RP1: variants seen among roughly 807,000 people sequenced by gnomAD.
RP1 encodes RP1 axonemal microtubule associated.
Under a neutral mutation model 14.8 loss-of-function variants are expected in RP1, and 16 were observed. The observed-to-expected ratio is 1.08, with a 90% CI of 0.73 to 1.65. The LOEUF (loss-of-function observed/expected upper bound fraction) is 1.65. RP1 is among the 40% of genes most tolerant of loss of function. The pLI is 0.00. For missense variants in RP1, 2,631 were observed against 2,535.0 expected, an observed-to-expected ratio of 1.04 and a Z score of -0.81; for synonymous variants, 876 against 883.6, an observed-to-expected ratio of 0.99 and a Z score of 0.15.
chr8:54,561,174 A>G (rs1001225262), intron 1 of RP1, among the ~76,000 whole-genome samples: 2 of 152,216 alleles, frequency 1.3e-5, no homozygotes, highest in Non-Finnish European at 2.9e-5. Flanking sequence ...CAAGTCCATC[A>G]AAAGCTTCTA....
At chr8:54,649,179 A>G in intron 4 of RP1, 1 of 1,427,310 alleles carries the variant, frequency 7.0e-7, no homozygotes, top group South Asian at 1.6e-5. Context: ...TAAACTGTTA[A>G]TATAAGTGAT....
Position 54,679,436 on chromosome 8 carries a change from G to T in RP1, c.1495G>T (p.Glu499Ter). 1 of 1,535,892 alleles carries T rather than the reference G, an allele frequency of 6.5e-7. No individual in the cohort carries two copies. Among genetic ancestry groups the T allele is most frequent in the South Asian group, 1.2e-5 (1 of 84,048 alleles). ...TTTTCACAGATGGCTAGATCAGGGG[G>T]AAGATGATTGTAAAATTGTCAGAGA... The change falls in exon 10 of 23, where the codon GAA becomes TAA. Residue 499 changes from glutamate to a stop codon, truncating the protein, a stop_gained. Transcript: ENST00000636932. LOFTEE classifies it high-confidence loss of function.
chr8:54,849,552 G>T (rs1812009973), intron 25 of RP1, among the ~76,000 whole-genome samples: 1 of 152,134 alleles, frequency 6.6e-6, no homozygotes, highest in African/African-American at 2.4e-5. Flanking sequence ...GAAGAATCCA[G>T]GGATTAAGGA....
chr8:54,646,670 G>A (rs991702268), intron 3 of RP1, among the ~76,000 whole-genome samples: 1 of 152,048 alleles, frequency 6.6e-6, no homozygotes, highest in South Asian at 2.1e-4. Context: ...GATTTAGGGA[G>A]GTGCAAAAAC....
chr8:54,790,757 C>G (rs1244847062), intron 24 of RP1, among the ~76,000 whole-genome samples: 1 of 152,102 alleles, frequency 6.6e-6, no homozygotes, highest in Non-Finnish European at 1.5e-5. Context: ...AAGAAAGAAT[C>G]AGTGAATTTG....
chr8:54,565,764 A>G (rs530163665), intron 1 of RP1, among the ~76,000 whole-genome samples: 2 of 152,130 alleles, frequency 1.3e-5, no homozygotes, highest in African/African-American at 4.8e-5. Context: ...CTTACTTCCT[A>G]CATTAGACTT....
chr8:54,670,767 G>A (rs761442583), intron 7 of RP1, among the ~76,000 whole-genome samples: 9 of 140,376 alleles, frequency 6.4e-5, no homozygotes, highest in African/African-American at 1.6e-4. Flanking sequence ...TTTTTGTCTC[G>A]TGACAGTTTT....
intron 2 of RP1, 47 bp from the exon 3 acceptor site, chr8:54,622,070 A>C: frequency 6.3e-7 from 1 of 1,583,842 alleles, no homozygotes; most frequent in East Asian, 2.2e-5. Context: ...ATTACCACTT[A>C]GTATAAAATG....
chr8:54,766,919 T>A (rs930312900), intron 22 of RP1, among the ~76,000 whole-genome samples: 8 of 152,160 alleles, frequency 5.3e-5, no homozygotes, highest in African/African-American at 1.9e-4. Flanking sequence ...TTCCATTCCT[T>A]TAATATCATC....
chr8:54,562,009 G>T (rs1191437654), intron 1 of RP1: 2 of 152,176 alleles, frequency 1.3e-5, no homozygotes, highest in Non-Finnish European at 2.9e-5. Context: ...TCACAACAAA[G>T]TACCTTAGCT....
chr8:54,664,179 T>C (rs1806961385), intron 7 of RP1, among the ~76,000 whole-genome samples: 1 of 152,194 alleles, frequency 6.6e-6, no homozygotes, highest in South Asian at 2.1e-4. Context: ...CTTAGCATAA[T>C]GTCCTCAAGA....
chr8:54,785,266 A>G (rs1810290760), intron 24 of RP1, among the ~76,000 whole-genome samples: 1 of 152,140 alleles, frequency 6.6e-6, no homozygotes, highest in Non-Finnish European at 1.5e-5. Flanking sequence ...ATCATGCAAC[A>G]TGGAGTATTT....
intron 14 of RP1, among the ~76,000 whole-genome samples, chr8:54,702,519 C>G (rs1808048888): frequency 6.6e-6 from 1 of 152,158 alleles, no homozygotes; most frequent in Non-Finnish European, 1.5e-5. Flanking sequence ...TAATGATCAT[C>G]TGAGCCTTCA....
intron 1 of RP1, among the ~76,000 whole-genome samples, chr8:54,593,920 C>T (rs1034518733): frequency 2.6e-5 from 4 of 152,254 alleles, no homozygotes; most frequent in Admixed American, 1.3e-4. Context: ...GCCCACAGGG[C>T]AGAAGTTGCA....
downstream of RP1, among the ~76,000 whole-genome samples, chr8:54,635,473 T>A (rs764479242): frequency 6.6e-6 from 1 of 152,166 alleles, no homozygotes; most frequent in African/African-American, 2.4e-5. Flanking sequence ...TTCATTATAT[T>A]GAGAGTGAAA....
chr8:54,834,124 G>T (rs953381694), intron 24 of RP1, among the ~76,000 whole-genome samples: 1 of 151,984 alleles, frequency 6.6e-6, no homozygotes, highest in African/African-American at 2.4e-5. Flanking sequence ...GACTAAAGAC[G>T]TAAGACTGAA....
At chr8:54,596,017 AG>A (rs1805137159) in intron 1 of RP1, among the ~76,000 whole-genome samples, 1 of 152,244 alleles carries the variant, frequency 6.6e-6, no homozygotes, top group Non-Finnish European at 1.5e-5. Context: ...AAATAAGTTT[AG>A]TCAAACAACA....
chr8:54,599,573 C>T (rs1023994958), intron 1 of RP1, among the ~76,000 whole-genome samples: 2 of 151,988 alleles, frequency 1.3e-5, no homozygotes, highest in Non-Finnish European at 2.9e-5. Flanking sequence ...GTTCTCATGG[C>T]TCAGCCTCCC....
intron 1 of RP1, among the ~76,000 whole-genome samples, chr8:54,607,994 G>C (rs1226591642): frequency 6.6e-6 from 1 of 151,724 alleles, no homozygotes; most frequent in Non-Finnish European, 1.5e-5. Context: ...GCACTTCCTG[G>C]GTGAGGCGAT....
Sources: gnomAD v4.1 joint callset for allele counts (sites outside exome capture counted in the v4.1 genomes callset) on GRCh38, gnomAD v4.1.1 for gene constraint, MANE v1.5 for transcripts, NCBI Gene and HGNC (gene_info 2026-07-23, HGNC 2026-07-21) for gene names.